Variants in KCNMA1 observed in about 807,000 individuals in gnomAD.
KCNMA1 encodes Calcium-activated potassium channel subunit alpha-1.
KCNMA1 carries 29 observed loss-of-function variants against 140.0 expected under a neutral mutation model. That is an observed-to-expected ratio of 0.21 (90% CI 0.15 to 0.28). The LOEUF (loss-of-function observed/expected upper bound fraction) is 0.28. KCNMA1 is among the 10% of genes least tolerant of loss of function. KCNMA1 has a pLI of 1.00. For missense variants in KCNMA1, 880 were observed against 1,602.2 expected, an observed-to-expected ratio of 0.55 and a Z score of 7.70; for synonymous variants, 612 against 611.9, an observed-to-expected ratio of 1.00 and a Z score of 0.00.
At chr10:77,142,529 A>G (rs751509817) in intron 5 of KCNMA1, among the ~76,000 whole-genome samples, 4 of 152,220 alleles carry the variant, frequency 2.6e-5, no homozygotes, top group Non-Finnish European at 5.9e-5. Context: ...GGGCTTCACA[A>G]TAATTCTATA....
rs1367881269 is a variant in KCNMA1 at position 76,953,802 on chromosome 10, AG to A, written c.2482del (p.Leu828Ter). The A allele has an allele frequency of 6.2e-7, 1 of 1,613,924 alleles. No homozygotes were observed. The highest frequency in any genetic ancestry group is 1.3e-5 in the African/African-American group (1 of 74,924). On this transcript the variant is annotated frameshift_variant and splice_region_variant, in exon 21 of 28. Coordinates refer to ENST00000286628, the MANE Select transcript of KCNMA1 (RefSeq NM_001161352.2). LOFTEE classifies it high-confidence loss of function. ...CAPKEIEKVILTRSEAAMTVL... is the reference protein window; with the variant it reads ...CAPKEIEKVIXTRSEAAMTVL... ...TCAGATGCACAGTCCCTCACTCACC[AG>A]GATGACTTTCTCTATCTCCTTGGGT...
intron 1 of KCNMA1, among the ~76,000 whole-genome samples, chr10:77,459,073 T>C (rs533759414): frequency 6.6e-6 from 1 of 152,004 alleles, no homozygotes; most frequent in South Asian, 2.1e-4. Flanking sequence ...CACCTGGGGG[T>C]ATTTGCTGCA....
chr10:77,254,223 TC>T (rs1257035891), intron 2 of KCNMA1, among the ~76,000 whole-genome samples: 1 of 87,146 alleles, frequency 1.1e-5, no homozygotes, highest in Non-Finnish European at 2.4e-5. Context: ...TGAAATATAC[TC>T]TTTTTTTTTT....
In KCNMA1 at chr10:77,252,741, T is replaced by G. The variant is rs981169116; in HGVS notation, c.541-1485A>C. Among the ~76,000 whole-genome samples the G allele has an allele frequency of 5.3e-5, 8 of 152,160 alleles. No individual in the cohort carries two copies. In the East Asian group the frequency reaches 1.5e-3, roughly 29 times the overall value. Reference sequence around the variant, plus strand: ...GAGCTCCTGGGGCAGAATGGTGGCTTGCACAGCCCAGAAAATGACCATTAA... The same window carrying G: ...GAGCTCCTGGGGCAGAATGGTGGCTGGCACAGCCCAGAAAATGACCATTAA... On this transcript the variant is annotated intron_variant, in intron 2 of 27. Coordinates refer to ENST00000286628, the MANE Select transcript of KCNMA1 (RefSeq NM_001161352.2).
At chr10:77,636,991 G>C in intron 1 of KCNMA1, 4 of 1,405,748 alleles carry the variant, frequency 2.8e-6, no homozygotes, top group Non-Finnish European at 3.7e-6. Context: ...GGCCCCAGCC[G>C]CAGCCGCCAA....
chr10:77,005,431 A>C (rs778815090), intron 18 of KCNMA1, among the ~76,000 whole-genome samples: 4 of 152,200 alleles, frequency 2.6e-5, no homozygotes, highest in Non-Finnish European at 4.4e-5. Context: ...CTGGGAGCAG[A>C]CAAGAGTGTG....
Position 77,266,236 on chromosome 10 carries a change from G to A in KCNMA1, c.541-14980C>T, listed in dbSNP as rs556384463. On this transcript the variant is annotated intron_variant, in intron 2 of 27. Transcript: ENST00000286628. Reference sequence around the variant, plus strand: ...AAAAATAGGAGTTCATCAATATACTGTTTCCTTTATCATTAGAAAGAAACA... The same window carrying A: ...AAAAATAGGAGTTCATCAATATACTATTTCCTTTATCATTAGAAAGAAACA... Among the ~76,000 whole-genome samples, 18 of 152,156 alleles carry A rather than the reference G, an allele frequency of 1.2e-4. 1 individual carries two copies. Among genetic ancestry groups the A allele is most frequent in the Admixed American group, 1.2e-3 (18 of 15,278 alleles).
At chr10:76,920,020 G>GTGTGTGTGTGTGTGTATATATATATA (rs1177257916) in intron 23 of KCNMA1, among the ~76,000 whole-genome samples, 3 of 34,414 alleles carry the variant, frequency 8.7e-5, no homozygotes, top group African/African-American at 3.2e-4. Context: ...GTGTGTGTGT[G>GTGTGTGTGTGTGTGTATATATATATA]TATATATATA....
intron 2 of KCNMA1, among the ~76,000 whole-genome samples, chr10:77,319,220 G>A (rs541072955): frequency 6.6e-6 from 1 of 152,222 alleles, no homozygotes; most frequent in Non-Finnish European, 1.5e-5. Context: ...TCATCCTGAA[G>A]GTTACACTTT....
chr10:77,494,476 AG>A (rs1358891088), intron 1 of KCNMA1, among the ~76,000 whole-genome samples: 2 of 152,160 alleles, frequency 1.3e-5, no homozygotes, highest in Non-Finnish European at 2.9e-5. Flanking sequence ...GGGGATGAAA[AG>A]GGTAGAGTCC....
chr10:77,568,864 G>A (rs916311273), intron 1 of KCNMA1, among the ~76,000 whole-genome samples: 5 of 151,400 alleles, frequency 3.3e-5, no homozygotes, highest in Admixed American at 2.6e-4. Context: ...ATCTCCTTAA[G>A]CTGATAAGCA....
chr10:77,002,243 T>C (rs1055794878), intron 18 of KCNMA1, among the ~76,000 whole-genome samples: 1 of 152,166 alleles, frequency 6.6e-6, no homozygotes, highest in African/African-American at 2.4e-5. Flanking sequence ...TCTGTCCATA[T>C]AAGAAATGCA....
At chr10:77,200,226 C>A (rs900119932) in intron 3 of KCNMA1, among the ~76,000 whole-genome samples, 13 of 152,182 alleles carry the variant, frequency 8.5e-5, no homozygotes, top group Admixed American at 2.6e-4. Flanking sequence ...GCTGGGATTA[C>A]AAGTGTGAGC....
At chr10:77,049,498 G>A (rs2095271386) in intron 14 of KCNMA1, among the ~76,000 whole-genome samples, 1 of 152,188 alleles carries the variant, frequency 6.6e-6, no homozygotes, top group Admixed American at 6.5e-5. Context: ...CTACAATGAG[G>A]TGGAATTCCA....
At chr10:77,600,695 T>A (rs2082335439) in intron 1 of KCNMA1, among the ~76,000 whole-genome samples, 1 of 152,030 alleles carries the variant, frequency 6.6e-6, no homozygotes, top group Non-Finnish European at 1.5e-5. Context: ...TGCGGTGAGC[T>A]GAGGTCACGC....
At chr10:77,239,919 G>GT (rs890003045) in intron 3 of KCNMA1, among the ~76,000 whole-genome samples, 1 of 152,236 alleles carries the variant, frequency 6.6e-6, no homozygotes, top group Admixed American at 6.5e-5. Context: ...ATGTCAACCT[G>GT]TACCTTATAC....
chr10:76,951,987 A>T, intron 21 of KCNMA1: 1 of 1,519,554 alleles, frequency 6.6e-7, no homozygotes, highest in Non-Finnish European at 8.9e-7. Context: ...CCTCCTGGAG[A>T]TGTTTTGTTA....
At chr10:77,417,839 A>AAAAG (rs1318740218) in intron 1 of KCNMA1, among the ~76,000 whole-genome samples, 1 of 152,206 alleles carries the variant, frequency 6.6e-6, no homozygotes, top group Admixed American at 6.5e-5. Flanking sequence ...CCCATTCAGG[A>AAAAG]AACCAAGGGC....
chr10:77,415,488 C>A (rs1192463024), intron 1 of KCNMA1, among the ~76,000 whole-genome samples: 1 of 152,206 alleles, frequency 6.6e-6, no homozygotes, highest in African/African-American at 2.4e-5. Context: ...TCAAGACCTG[C>A]CCAGACAAGA....
Sources: gnomAD v4.1 joint callset for allele counts (sites outside exome capture counted in the v4.1 genomes callset) on GRCh38, gnomAD v4.1.1 for gene constraint, MANE v1.5 for transcripts, NCBI Gene and HGNC (gene_info 2026-07-23, HGNC 2026-07-21) for gene names.